Variants in SCHIP1 observed in about 807,000 individuals in gnomAD.
The protein encoded by SCHIP1 is schwannomin interacting protein 1, also known as schwannomin-interacting protein 1.
SCHIP1 carries 8 observed loss-of-function variants against 29.7 expected under a neutral mutation model. The observed-to-expected ratio is 0.27, with a 90% CI of 0.16 to 0.49. The LOEUF is 0.49. Ranked by LOEUF, SCHIP1 falls within the 20% of genes least tolerant of loss-of-function variation. The pLI, the probability that SCHIP1 is intolerant of heterozygous loss-of-function variation, is 0.99. For missense variants in SCHIP1, 193 were observed against 294.6 expected (o/e 0.66, Z 2.52); for synonymous variants, 76 against 94.9 (o/e 0.80, Z 1.16).
chr3:159,328,690 G>A, the SCHIP1 span, among the ~76,000 whole-genome samples: 2 of 152,158 alleles, frequency 1.3e-5, no homozygotes, highest in African/African-American at 4.8e-5. Flanking sequence ...GCCCCAAGAG[G>A]CAGGTGGGCC....
the SCHIP1 span, among the ~76,000 whole-genome samples, chr3:159,819,739 A>G: frequency 6.6e-6 from 1 of 152,232 alleles, no homozygotes; most frequent in Non-Finnish European, 1.5e-5. Context: ...CTCTTGATTA[A>G]GCCCTGACTC....
chr3:159,810,611 T>C, the SCHIP1 span, among the ~76,000 whole-genome samples: 2 of 152,256 alleles, frequency 1.3e-5, no homozygotes, highest in Admixed American at 6.5e-5. Context: ...ATATTGTTTT[T>C]GATAGTCTTC....
At chr3:159,871,368 TGG>T (rs143350836) in intron 2 of SCHIP1, among the ~76,000 whole-genome samples, 1 of 14,390 alleles carries the variant, frequency 6.9e-5, no homozygotes, top group East Asian at 4.7e-3. Flanking sequence ...TTGGGGGGGG[TGG>T]GGGGGGGCTT....
At chr3:159,418,987 C>T in the SCHIP1 span, among the ~76,000 whole-genome samples, 21 of 152,320 alleles carry the variant, frequency 1.4e-4, no homozygotes, top group Admixed American at 8.5e-4. Flanking sequence ...TCAGTTTTCT[C>T]GCCCATGCAA....
At chr3:159,581,338 A>C in the SCHIP1 span, among the ~76,000 whole-genome samples, 38 of 152,262 alleles carry the variant, frequency 2.5e-4, no homozygotes, top group African/African-American at 8.4e-4. Flanking sequence ...ACCAAAAACC[A>C]CCAATGGGTG....
intron 2 of SCHIP1, among the ~76,000 whole-genome samples, chr3:159,883,541 A>G (rs891373738): frequency 2.0e-5 from 3 of 152,042 alleles, no homozygotes; most frequent in African/African-American, 7.2e-5. Flanking sequence ...GCTGTGGTTG[A>G]GTTTCACCGA....
chr3:159,494,810 G>A, the SCHIP1 span, among the ~76,000 whole-genome samples: 1 of 152,072 alleles, frequency 6.6e-6, no homozygotes, highest in Non-Finnish European at 1.5e-5. Context: ...AAAAAAAAGA[G>A]AATTTTATAC....
At chr3:159,277,025 T>G in the SCHIP1 span, among the ~76,000 whole-genome samples, 1 of 152,198 alleles carries the variant, frequency 6.6e-6, no homozygotes, top group African/African-American at 2.4e-5. Flanking sequence ...CCTGATTCCA[T>G]TAATAAGACC....
chr3:159,759,120 G>T, the SCHIP1 span, among the ~76,000 whole-genome samples: 3 of 152,220 alleles, frequency 2.0e-5, no homozygotes, highest in African/African-American at 4.8e-5. Context: ...CTCGTGGTTT[G>T]CTAGAAAATA....
the SCHIP1 span, among the ~76,000 whole-genome samples, chr3:159,777,518 G>A: frequency 1.4e-5 from 2 of 141,646 alleles, no homozygotes; most frequent in Non-Finnish European, 3.1e-5. Context: ...CCATTACTTA[G>A]CATTTACTTT....
chr3:159,341,420 T>G, the SCHIP1 span, among the ~76,000 whole-genome samples: 4 of 152,154 alleles, frequency 2.6e-5, no homozygotes, highest in Non-Finnish European at 5.9e-5. Context: ...TCTGGTCCCC[T>G]TACTTTGGGC....
intron 1 of SCHIP1, among the ~76,000 whole-genome samples, chr3:159,860,315 G>C (rs1415203229): frequency 6.6e-6 from 1 of 152,122 alleles, no homozygotes; most frequent in African/African-American, 2.4e-5. Context: ...GTCCTGTGAG[G>C]CTTCTTAACC....
the SCHIP1 span, among the ~76,000 whole-genome samples, chr3:159,705,170 G>T: frequency 3.9e-5 from 6 of 151,988 alleles, no homozygotes; most frequent in Non-Finnish European, 7.4e-5. Flanking sequence ...CACCATGTTG[G>T]CCAGGCTGGT....
At chr3:159,477,691 G>A in the SCHIP1 span, among the ~76,000 whole-genome samples, 6 of 152,058 alleles carry the variant, frequency 3.9e-5, no homozygotes, top group South Asian at 4.1e-4. Flanking sequence ...CTTATCAAAT[G>A]TATGGTTTGC....
At chr3:159,493,098 G>A in the SCHIP1 span, among the ~76,000 whole-genome samples, 1 of 152,218 alleles carries the variant, frequency 6.6e-6, no homozygotes, top group Non-Finnish European at 1.5e-5. Context: ...GCTCCTGAAG[G>A]AAGTACTAAA....
the SCHIP1 span, among the ~76,000 whole-genome samples, chr3:159,633,418 G>A: frequency 6.8e-4 from 103 of 152,240 alleles, no homozygotes; most frequent in African/African-American, 2.4e-3. Context: ...AAATGGAGGT[G>A]GGAGAGAGAG....
chr3:159,466,073 A>G, the SCHIP1 span, among the ~76,000 whole-genome samples: 1 of 152,348 alleles, frequency 6.6e-6, no homozygotes, highest in African/African-American at 2.4e-5. Flanking sequence ...AAGGAGAACT[A>G]TATCATAGTA....
chr3:159,539,531 G>A, the SCHIP1 span, among the ~76,000 whole-genome samples: 32 of 135,738 alleles, frequency 2.4e-4, 2 homozygotes, highest in African/African-American at 7.9e-4. Context: ...GGGTATGCTT[G>A]ACCCACATAT....
the SCHIP1 span, among the ~76,000 whole-genome samples, chr3:159,594,144 A>G: frequency 6.6e-6 from 1 of 152,246 alleles, no homozygotes; most frequent in African/African-American, 2.4e-5. Flanking sequence ...TCTCTTTGTC[A>G]AAGTATGGCT....
Sources: allele counts gnomAD v4.1 joint callset (sites outside exome capture counted in the v4.1 genomes callset), GRCh38; gene constraint gnomAD v4.1.1; transcripts MANE v1.5; gene names NCBI Gene and HGNC (gene_info 2026-07-23, HGNC 2026-07-21).